Variants in SPATA13 observed in about 807,000 individuals in gnomAD.
SPATA13 encodes spermatogenesis-associated protein 13.
SPATA13 carries 50 observed loss-of-function variants against 104.0 expected under a neutral mutation model. The ratio of observed to expected loss-of-function variants is 0.48; its 90% CI spans 0.38 to 0.61. SPATA13 has a LOEUF of 0.61. SPATA13 is among the 20% of genes least tolerant of loss of function. The pLI is 0.00. For missense variants in SPATA13, 1,524 were observed against 1,690.6 expected (o/e 0.90, Z 1.73); for synonymous variants, 606 against 667.5 (o/e 0.91, Z 1.42).
chr13:24,158,814 T>C (rs1167543281), upstream of SPATA13, among the ~76,000 whole-genome samples: 1 of 152,146 alleles, frequency 6.6e-6, no homozygotes, highest in Non-Finnish European at 1.5e-5. Context: ...ACGAGGAAGC[T>C]GAGATTCAGC....
chr13:24,299,374 G>A (rs1877019051), intron 11 of SPATA13, among the ~76,000 whole-genome samples: 1 of 152,244 alleles, frequency 6.6e-6, no homozygotes, highest in South Asian at 2.1e-4. Flanking sequence ...CTGTGAACTG[G>A]CACGTGTGGG....
rs555512744 is a variant in SPATA13 at position 24,173,635 on chromosome 13, C to A, written c.-112+12703C>A. ...CAAGTTGAGGATATTCCCTTCTATT[C>A]CTGTCTCTCTAAAAAGGTTTTAAAC... On this transcript the variant is annotated intron_variant, in intron 1 of 12. Coordinates refer to ENST00000382108, the MANE Select transcript of SPATA13 (RefSeq NM_001166271.3). 4.6e-5 allele frequency among the ~76,000 whole-genome samples: 7 copies of A among 151,422 alleles called. No homozygotes were observed. The East Asian group carries it at 9.7e-4, about 21-fold the overall frequency.
intron 3 of SPATA13, among the ~76,000 whole-genome samples, chr13:24,136,035 C>G (rs890129094): frequency 6.6e-6 from 1 of 152,176 alleles, no homozygotes; most frequent in East Asian, 1.9e-4. Flanking sequence ...TGCCTTGAAC[C>G]AGCAGCAGCC....
intron 3 of SPATA13, among the ~76,000 whole-genome samples, chr13:24,070,220 C>T (rs950119579): frequency 6.6e-6 from 1 of 152,164 alleles, no homozygotes; most frequent in African/African-American, 2.4e-5. Flanking sequence ...AAAACCCATC[C>T]AAATTGGTTT....
intron 1 of SPATA13, among the ~76,000 whole-genome samples, chr13:24,188,217 T>C (rs1384320719): frequency 6.6e-6 from 1 of 152,014 alleles, no homozygotes; most frequent in Non-Finnish European, 1.5e-5. Context: ...AACATGCACC[T>C]GTAGTCCCAG....
chr13:24,287,794 G>A (rs1046715426), intron 7 of SPATA13, among the ~76,000 whole-genome samples: 11 of 152,320 alleles, frequency 7.2e-5, no homozygotes, highest in Middle Eastern at 3.4e-3. Context: ...CACCTGAAAG[G>A]TTTTGTCTTC....
intron 3 of SPATA13, among the ~76,000 whole-genome samples, chr13:24,071,636 G>A (rs771346621): frequency 5.3e-5 from 8 of 152,190 alleles, no homozygotes; most frequent in Non-Finnish European, 1.0e-4. Flanking sequence ...GTGTCTGACC[G>A]TACATACAAA....
intron 1 of SPATA13, among the ~76,000 whole-genome samples, chr13:24,188,128 C>G (rs1593394754): frequency 1.3e-5 from 2 of 151,780 alleles, no homozygotes; most frequent in East Asian, 3.9e-4. Context: ...ATTGCCTGAG[C>G]TCAGGAGTTC....
At chr13:24,281,434 G>A (rs1433773918) in intron 4 of SPATA13, among the ~76,000 whole-genome samples, 4 of 152,174 alleles carry the variant, frequency 2.6e-5, no homozygotes, top group Non-Finnish European at 5.9e-5. Context: ...GCTCTCCCCT[G>A]GCTTCCATTG....
intron 3 of SPATA13, among the ~76,000 whole-genome samples, chr13:24,044,886 A>AGGGGTT (rs1878072262): frequency 2.6e-4 from 1 of 3,890 alleles, no homozygotes; most frequent in Non-Finnish European, 4.2e-4. Flanking sequence ...TTTCCAGAGG[A>AGGGGTT]GGGGGTGGGG....
At position 24,165,882 on chromosome 13, in the gene SPATA13, G is replaced by T. The variant is rs1040422288; in HGVS notation, c.-112+4950G>T. ...AGTCACCATGGGTGATGTAGAGATT[G>T]GTAAATGTGCCCTGAGTCCTAAACA... On this transcript the variant is annotated intron_variant, in intron 1 of 12. Coordinates refer to ENST00000382108, the MANE Select transcript of SPATA13 (RefSeq NM_001166271.3). Among the ~76,000 whole-genome samples, 3 of 152,162 alleles carry T rather than the reference G, an allele frequency of 2.0e-5. No individual in the cohort carries two copies. The East Asian group carries it at 5.8e-4, about 29-fold the overall frequency.
In SPATA13 at chr13:24,268,550, G is replaced by A. The variant is rs370233739; in HGVS notation, c.2165-15585G>A. ...GAGGTGGGCAGACCACCTGAGGTCA[G>A]GAGTTTGAGACCAGCCTGACCAACA... is the stretch of plus-strand genomic sequence containing the variant. On this transcript the variant is annotated intron_variant, in intron 4 of 12. Coordinates refer to ENST00000382108, the MANE Select transcript of SPATA13 (RefSeq NM_001166271.3). Among the ~76,000 whole-genome samples, 21 of 152,116 alleles carry A rather than the reference G, an allele frequency of 1.4e-4. No individual in the cohort carries two copies. In the South Asian group the frequency reaches 3.9e-3, roughly 28 times the overall value.
At position 24,043,869 on chromosome 13, in the gene SPATA13, C is replaced by T. The variant is rs557538977; in HGVS notation, c.-112+26168C>T. ...TGTAAGTGGAACAAATGAAGTCACC[C>T]TCAAAATAAGGACTGCCAGGGGAGG... On this transcript the variant is annotated intron_variant, in intron 3 of 14. Transcript: ENST00000424834. Among the ~76,000 whole-genome samples the T allele has an allele frequency of 3.3e-5, 5 of 152,300 alleles. No homozygotes were observed. In the South Asian group the frequency reaches 1.0e-3, roughly 32 times the overall value.
intron 3 of SPATA13, among the ~76,000 whole-genome samples, chr13:24,074,109 T>C (rs1879249879): frequency 6.6e-6 from 1 of 151,778 alleles, no homozygotes; most frequent in Non-Finnish European, 1.5e-5. Flanking sequence ...TTCACATTTG[T>C]ACATCCAATC....
At chr13:24,182,307 A>C (rs1004158706) in intron 1 of SPATA13, among the ~76,000 whole-genome samples, 1 of 152,164 alleles carries the variant, frequency 6.6e-6, no homozygotes, top group South Asian at 2.1e-4. Context: ...GTTTTGCTAT[A>C]AAGGAATACC....
intron 3 of SPATA13, among the ~76,000 whole-genome samples, chr13:24,037,528 C>T (rs1877741191): frequency 1.4e-5 from 2 of 140,238 alleles, no homozygotes; most frequent in Admixed American, 7.6e-5. Context: ...CTGCCTCAGC[C>T]TCCTGAGTAG....
chr13:24,077,262 C>CAGAA (rs1879362370), intron 3 of SPATA13, among the ~76,000 whole-genome samples: 1 of 73,038 alleles, frequency 1.4e-5, no homozygotes, highest in Admixed American at 1.7e-4. Flanking sequence ...GACTCCATGT[C>CAGAA]AAAAAAAAAA....
intron 3 of SPATA13, among the ~76,000 whole-genome samples, chr13:24,079,134 G>A (rs1174486162): frequency 6.6e-6 from 1 of 152,162 alleles, no homozygotes; most frequent in East Asian, 1.9e-4. Context: ...AAGAGGGGGA[G>A]CAGTTCGGGG....
chr13:24,173,503 T>C (rs1593380769), intron 1 of SPATA13, among the ~76,000 whole-genome samples: 1 of 140,916 alleles, frequency 7.1e-6, no homozygotes, highest in African/African-American at 2.7e-5. Context: ...TTCCCCCCCG[T>C]CCCCCAACTT....
Sources: allele counts gnomAD v4.1 joint callset (sites outside exome capture counted in the v4.1 genomes callset), GRCh38; gene constraint gnomAD v4.1.1; transcripts MANE v1.5; gene names NCBI Gene and HGNC (gene_info 2026-07-23, HGNC 2026-07-21).